SUGCT: variants seen among roughly 807,000 people sequenced by gnomAD.
SUGCT encodes succinyl-CoA:glutarate-CoA transferase.
SUGCT carries 41 observed loss-of-function variants against 55.0 expected under a neutral mutation model. The observed-to-expected ratio is 0.74, with a 90% CI of 0.58 to 0.97. The LOEUF (loss-of-function observed/expected upper bound fraction) is 0.97, where lower values mean the gene tolerates loss of function less well. SUGCT is among the 50% of genes least tolerant of loss of function. SUGCT has a pLI of 0.00. For synonymous variants in SUGCT, 187 were observed against 200.4 expected (o/e 0.93, Z 0.56); for missense variants, 568 against 547.8 (o/e 1.04, Z -0.37).
At chr7:40,495,099 A>C (rs1273674311) in intron 11 of SUGCT, among the ~76,000 whole-genome samples, 1 of 151,962 alleles carries the variant, frequency 6.6e-6, no homozygotes, top group Non-Finnish European at 1.5e-5. Context: ...TTTAGTAGAG[A>C]CAGGGTTTCA....
chr7:40,958,988 C>T, the SUGCT span, among the ~76,000 whole-genome samples: 1 of 152,180 alleles, frequency 6.6e-6, no homozygotes, highest in Admixed American at 6.5e-5. Context: ...TGGGTATCAC[C>T]AGCAGAGGCT....
the SUGCT span, among the ~76,000 whole-genome samples, chr7:40,927,677 A>G: frequency 6.6e-6 from 1 of 152,172 alleles, no homozygotes; most frequent in African/African-American, 2.4e-5. Flanking sequence ...TGTCCCTGCA[A>G]TATATGAGCC....
chr7:40,210,872 G>C (rs1295034425), intron 6 of SUGCT, among the ~76,000 whole-genome samples: 1 of 152,166 alleles, frequency 6.6e-6, no homozygotes, highest in South Asian at 2.1e-4. Context: ...GGGTGGAGCA[G>C]GTGATCAGAA....
chr7:40,664,625 T>C (rs1801507781), intron 12 of SUGCT, among the ~76,000 whole-genome samples: 1 of 152,218 alleles, frequency 6.6e-6, no homozygotes, highest in East Asian at 1.9e-4. Context: ...CATCTTCACT[T>C]ATTTAACATT....
intron 12 of SUGCT, among the ~76,000 whole-genome samples, chr7:40,573,525 A>C (rs908003478): frequency 3.3e-5 from 5 of 152,164 alleles, no homozygotes; most frequent in African/African-American, 7.2e-5. Context: ...ACACATCCAT[A>C]CATACATATA....
chr7:41,011,290 G>A, the SUGCT span, among the ~76,000 whole-genome samples: 556 of 152,328 alleles, frequency 3.7e-3, 1 homozygote, highest in African/African-American at 0.013. Flanking sequence ...CTGGGGTTTC[G>A]TGTGTACCTA....
chr7:40,422,001 C>T (rs1294956519), intron 9 of SUGCT, among the ~76,000 whole-genome samples: 1 of 151,886 alleles, frequency 6.6e-6, no homozygotes, highest in African/African-American at 2.4e-5. Flanking sequence ...CTAACATTTT[C>T]CCTCTAATGT....
At chr7:40,231,166 C>T (rs946804432) in intron 6 of SUGCT, among the ~76,000 whole-genome samples, 2 of 152,114 alleles carry the variant, frequency 1.3e-5, no homozygotes, top group African/African-American at 2.4e-5. Context: ...AGTCCTCTAC[C>T]CTCAATAGGT....
In SUGCT at chr7:40,849,881, G is replaced by A. The variant is rs1793763757; in HGVS notation, c.1154-10435G>A. ...GAAGGCTTCATTCCTTTCAGGGTGG[G>A]TGGAGGGAGGTATTGCAGAGCATCC... On this transcript the variant is annotated intron_variant, in intron 13 of 13. Transcript: ENST00000335693. Among the ~76,000 whole-genome samples the A allele has an allele frequency of 2.0e-5, 3 of 152,134 alleles. No individual in the cohort carries two copies. In the South Asian group the frequency reaches 6.2e-4, roughly 32 times the overall value.
At chr7:40,545,903 T>G (rs1794963427) in intron 12 of SUGCT, among the ~76,000 whole-genome samples, 3 of 152,228 alleles carry the variant, frequency 2.0e-5, no homozygotes, top group South Asian at 2.1e-4. Context: ...TGTGGGCTTA[T>G]TGCATCTGTG....
chr7:40,525,724 G>A (rs901335720), intron 12 of SUGCT, among the ~76,000 whole-genome samples: 4 of 152,106 alleles, frequency 2.6e-5, no homozygotes, highest in Non-Finnish European at 5.9e-5. Flanking sequence ...ACTAAATAAA[G>A]GGATCAAAAA....
chr7:40,803,767 G>A (rs1193444048), intron 13 of SUGCT, among the ~76,000 whole-genome samples: 1 of 152,032 alleles, frequency 6.6e-6, no homozygotes, highest in African/African-American at 2.4e-5. Flanking sequence ...ATTTCTTTAG[G>A]GTTCTTAAAA....
intron 9 of SUGCT, among the ~76,000 whole-genome samples, chr7:40,369,139 T>A (rs1464844934): frequency 6.6e-6 from 1 of 151,658 alleles, no homozygotes; most frequent in Non-Finnish European, 1.5e-5. Context: ...TGAGTGGGGA[T>A]TGAGTGTTTT....
At chr7:40,855,925 C>T (rs1439552799) in intron 13 of SUGCT, among the ~76,000 whole-genome samples, 1 of 152,172 alleles carries the variant, frequency 6.6e-6, no homozygotes, top group Non-Finnish European at 1.5e-5. Context: ...ATGCTAGCTG[C>T]TTGTACTCTA....
chr7:40,539,803 GT>G (rs1259007501), intron 12 of SUGCT: 5 of 152,322 alleles, frequency 3.3e-5, no homozygotes, highest in Admixed American at 2.0e-4. Context: ...TTAAGAATAT[GT>G]TATTGTTTCC....
intron 9 of SUGCT, among the ~76,000 whole-genome samples, chr7:40,422,443 A>G (rs1438627266): frequency 6.6e-6 from 1 of 152,170 alleles, no homozygotes; most frequent in East Asian, 1.9e-4. Flanking sequence ...AATTTGGCCA[A>G]TGCCTTCTCA....
At chr7:40,520,159 A>G (rs941146199) in intron 12 of SUGCT, among the ~76,000 whole-genome samples, 3 of 152,166 alleles carry the variant, frequency 2.0e-5, no homozygotes, top group Non-Finnish European at 4.4e-5. Flanking sequence ...CTTAGGACAT[A>G]CTAATACCAA....
chr7:40,575,344 C>T (rs1796680449), intron 12 of SUGCT, among the ~76,000 whole-genome samples: 1 of 152,032 alleles, frequency 6.6e-6, no homozygotes. Context: ...AAAACAACAA[C>T]AACAACAACA....
At position 40,779,165 on chromosome 7, in the gene SUGCT, A is replaced by C. The variant is rs1789605794; in HGVS notation, c.1153+29668A>C. Among the ~76,000 whole-genome samples the C allele has an allele frequency of 2.6e-5, 4 of 152,176 alleles. No homozygotes were observed. The South Asian group carries it at 8.3e-4, about 31-fold the overall frequency. ...TTCAGGTCTCAGTTTCCTCATCTGC[A>C]AAATGGGAATCAACTCCCCTCAATG... On this transcript the variant is annotated intron_variant, in intron 13 of 13. Transcript: ENST00000335693.
Sources: allele counts gnomAD v4.1 joint callset (sites outside exome capture counted in the v4.1 genomes callset), GRCh38; gene constraint gnomAD v4.1.1; transcripts MANE v1.5; gene names NCBI Gene and HGNC (gene_info 2026-07-23, HGNC 2026-07-21).